The following CSMD1 variants were observed in gnomAD, a reference collection of about 807,000 sequenced individuals.
CSMD1 encodes CUB and sushi domain-containing protein 1.
In CSMD1, 213 loss-of-function variants were observed where a neutral mutation model predicts 417.5. The observed-to-expected ratio is 0.51, with a 90% CI of 0.46 to 0.57. The LOEUF (loss-of-function observed/expected upper bound fraction) is 0.57, where lower values mean the gene tolerates loss of function less well. Ranked by LOEUF, CSMD1 falls within the 20% of genes least tolerant of loss-of-function variation. The pLI is 0.00. For missense variants in CSMD1, 6,923 were observed against 4,529.7 expected, an observed-to-expected ratio of 1.53 and a Z score of -15.17; for synonymous variants, 2,862 against 1,736.8, an observed-to-expected ratio of 1.65 and a Z score of -16.11.
rs192578581 is a variant in CSMD1 at position 4,348,367 on chromosome 8, C to T, written c.415+71586G>A. On this transcript the variant is annotated intron_variant, in intron 3 of 69. Transcript: ENST00000635120. Reference sequence around the variant, plus strand: ...TCATGGAATCCACCCAAGTGTACTACGCTACAAGTGTTTAAAGAACGTTGC... The same window carrying T: ...TCATGGAATCCACCCAAGTGTACTATGCTACAAGTGTTTAAAGAACGTTGC... Among the ~76,000 whole-genome samples, 40 of 152,106 alleles carry T rather than the reference C, an allele frequency of 2.6e-4. No individual in the cohort carries two copies. The East Asian group carries it at 5.2e-3, about 20-fold the overall frequency.
chr8:2,985,448 C>T (rs1362894813), intron 54 of CSMD1, among the ~76,000 whole-genome samples: 1 of 151,996 alleles, frequency 6.6e-6, no homozygotes, highest in African/African-American at 2.4e-5. Context: ...ACTGTTTCAC[C>T]ACGTGAGGGA....
At chr8:3,825,672 T>A (rs950751562) in intron 5 of CSMD1, among the ~76,000 whole-genome samples, 2 of 152,128 alleles carry the variant, frequency 1.3e-5, no homozygotes, top group Admixed American at 1.3e-4. Flanking sequence ...AGTTTTACTC[T>A]CTAGGCTCAA....
chr8:2,948,511 C>G (rs542826577), intron 68 of CSMD1, among the ~76,000 whole-genome samples: 1 of 152,216 alleles, frequency 6.6e-6, no homozygotes, highest in Non-Finnish European at 1.5e-5. Context: ...TAAGTCAAAC[C>G]TCTTTCCACA....
intron 10 of CSMD1, among the ~76,000 whole-genome samples, chr8:3,530,518 CGTTTT>C (rs1797932391): frequency 6.6e-6 from 1 of 152,012 alleles, no homozygotes; most frequent in Non-Finnish European, 1.5e-5. Flanking sequence ...TGAATCTTTT[CGTTTT>C]GTTTTGTTTT....
intron 3 of CSMD1, among the ~76,000 whole-genome samples, chr8:4,227,130 G>C (rs981674348): frequency 1.3e-5 from 2 of 152,112 alleles, no homozygotes; most frequent in African/African-American, 4.8e-5. Context: ...CCAAGAGAAG[G>C]GTTTTTTAGC....
At chr8:3,475,513 C>G (rs1244199428) in intron 11 of CSMD1, among the ~76,000 whole-genome samples, 1 of 152,172 alleles carries the variant, frequency 6.6e-6, no homozygotes, top group Non-Finnish European at 1.5e-5. Flanking sequence ...TGTGATGGCT[C>G]TGTCATTAAT....
At chr8:3,935,218 A>C (rs1267446556) in intron 5 of CSMD1, among the ~76,000 whole-genome samples, 1 of 152,230 alleles carries the variant, frequency 6.6e-6, no homozygotes, top group African/African-American at 2.4e-5. Flanking sequence ...CAACAGAACA[A>C]ATGGAAATCG....
intron 4 of CSMD1, among the ~76,000 whole-genome samples, chr8:4,025,801 G>A (rs1310324713): frequency 4.6e-5 from 7 of 152,004 alleles, no homozygotes; most frequent in South Asian, 2.1e-4. Flanking sequence ...AAAGGTGACT[G>A]GCCTCTGATT....
chr8:3,731,814 T>C (rs1381583772), intron 6 of CSMD1, among the ~76,000 whole-genome samples: 1 of 152,178 alleles, frequency 6.6e-6, no homozygotes, highest in Non-Finnish European at 1.5e-5. Flanking sequence ...TGATGTTTCA[T>C]TTACTCCTCA....
At chr8:4,669,152 G>A (rs766377562) in intron 1 of CSMD1, among the ~76,000 whole-genome samples, 13 of 151,886 alleles carry the variant, frequency 8.6e-5, no homozygotes, top group Admixed American at 2.6e-4. Context: ...TTCCTTCTTC[G>A]CTTCCTTTAG....
intron 23 of CSMD1, among the ~76,000 whole-genome samples, chr8:3,341,545 G>A (rs375323708): frequency 6.6e-6 from 1 of 152,184 alleles, no homozygotes; most frequent in African/African-American, 2.4e-5. Context: ...TTGTGAAGCA[G>A]CCACAGGAAG....
intron 3 of CSMD1, among the ~76,000 whole-genome samples, chr8:4,062,511 G>T (rs540694510): frequency 2.0e-5 from 3 of 152,256 alleles, no homozygotes; most frequent in South Asian, 4.2e-4. Flanking sequence ...TCTAAGTGGG[G>T]AAATGTATTT....
chr8:4,652,570 T>A lies in CSMD1; in HGVS notation c.86-15012A>T, dbSNP rs754383722. ...AGCAGGTTGAGGCAGGAGAATCGCT[T>A]GAACCCGGGAGGCAGAGGTTGCAGT... On this transcript the variant is annotated intron_variant, in intron 1 of 69. Transcript: ENST00000635120. Among the ~76,000 whole-genome samples the A allele has an allele frequency of 4.7e-4, 71 of 151,944 alleles. 1 individual carries two copies. The highest frequency in any genetic ancestry group is 9.3e-4 in the Non-Finnish European group (63 of 67,968).
chr8:3,489,165 C>G (rs1488461936), intron 11 of CSMD1, among the ~76,000 whole-genome samples: 2 of 152,110 alleles, frequency 1.3e-5, no homozygotes, highest in African/African-American at 4.8e-5. Context: ...CAGCAGAAAA[C>G]AACAGGGAGA....
intron 23 of CSMD1, among the ~76,000 whole-genome samples, chr8:3,320,908 G>A (rs1476916600): frequency 1.3e-5 from 2 of 152,130 alleles, no homozygotes; most frequent in African/African-American, 2.4e-5. Flanking sequence ...GCACCTCACT[G>A]ACCGTAAAGC....
chr8:4,830,479 T>C (rs111688216), intron 1 of CSMD1, among the ~76,000 whole-genome samples: 2,055 of 152,292 alleles, frequency 0.013, 55 homozygotes, highest in African/African-American at 0.048. Flanking sequence ...TTTTGCTAGA[T>C]TGTCATCATA....
chr8:3,582,585 T>G lies in CSMD1; in HGVS notation c.1222+3551A>C, dbSNP rs140508974. 5.5e-3 allele frequency among the ~76,000 whole-genome samples: 831 copies of G among 152,350 alleles called. 5 individuals are homozygous for G. The highest frequency in any genetic ancestry group is 0.01 in the South Asian group (49 of 4,832). ...AAATGTCTAAACTTGCGCTGTCATA[T>G]GTGGCAACTGCTAGCCACACGTGGC... On this transcript the variant is annotated intron_variant, in intron 9 of 69. Transcript: ENST00000635120.
chr8:3,910,221 A>G (rs1808375303), intron 5 of CSMD1, among the ~76,000 whole-genome samples: 1 of 152,182 alleles, frequency 6.6e-6, no homozygotes, highest in African/African-American at 2.4e-5. Context: ...CATGCAGTTC[A>G]GTGAATTGTG....
At chr8:3,256,553 T>C (rs1334026792) in intron 26 of CSMD1, among the ~76,000 whole-genome samples, 3 of 152,214 alleles carry the variant, frequency 2.0e-5, no homozygotes, top group Non-Finnish European at 4.4e-5. Context: ...AGCTATAATC[T>C]TGCCCCTTTT....
Sources: gnomAD v4.1 joint callset for allele counts (sites outside exome capture counted in the v4.1 genomes callset) on GRCh38, gnomAD v4.1.1 for gene constraint, MANE v1.5 for transcripts, NCBI Gene and HGNC (gene_info 2026-07-23, HGNC 2026-07-21) for gene names.